The following TUSC2 variants were observed in gnomAD, a reference collection of about 807,000 sequenced individuals.
TUSC2 encodes the protein tumor suppressor 2, mitochondrial calcium regulator, also known as tumor suppressor candidate 2.
Under a neutral mutation model 11.5 loss-of-function variants are expected in TUSC2, and 7 were observed. The ratio of observed to expected loss-of-function variants is 0.61; its 90% CI spans 0.35 to 1.14. The LOEUF is 1.14. Ranked by LOEUF, TUSC2 falls within the 50% of genes most tolerant of loss-of-function variation. TUSC2 has a pLI of 0.03. For synonymous variants in TUSC2, 61 were observed against 64.1 expected, an observed-to-expected ratio of 0.95 and a Z score of 0.23; for missense variants, 132 against 155.0, an observed-to-expected ratio of 0.85 and a Z score of 0.79.
In TUSC2 at chr3:50,327,222, A is replaced by G. The variant is rs1553717494; in HGVS notation, c.146+732T>C. 3 of 456,628 alleles carry G rather than the reference A, an allele frequency of 6.6e-6. No individual in the cohort carries two copies. In the Admixed American group the frequency reaches 7.0e-5, roughly 11 times the overall value. 28.3% of individuals were successfully genotyped at this position (456,628 alleles called of 1,614,324 possible). On this transcript the variant is annotated intron_variant, in intron 1 of 2. Coordinates refer to ENST00000232496, the MANE Select transcript of TUSC2 (RefSeq NM_007275.3). ...TCAAAGACTGAAATAGCAGAAGCCT[A>G]AGCTAGGAAGAAGCACAAAGGAATG... is the stretch of plus-strand genomic sequence containing the variant.
At position 50,325,798 on chromosome 3, in the gene TUSC2, A is replaced by C; in HGVS notation, c.*323T>G. Reference sequence around the variant, plus strand: ...CTAGGCCCCAGGCAAACTTGGAAGAAAGCAGACCAGGCAAGGAACCAGGTA... The same window carrying C: ...CTAGGCCCCAGGCAAACTTGGAAGACAGCAGACCAGGCAAGGAACCAGGTA... On this transcript the variant is annotated 3_prime_UTR_variant, in exon 3 of 3. Transcript: ENST00000232496. This position sits in a 1 kb window ranked among gnomAD's most constrained non-coding sequence, Gnocchi z 5.1. The C allele has an allele frequency of 2.5e-6, 1 of 401,542 alleles. No homozygotes were observed. The highest frequency in any genetic ancestry group is 2.0e-5 in the African/African-American group (1 of 50,076). 24.9% of individuals were successfully genotyped at this position (401,542 alleles called of 1,614,324 possible). A position where few individuals can be genotyped will look rare whatever the true frequency, so the allele number is the denominator to read the frequency against.
rs782023495 is a variant in TUSC2, at chr3:50,328,187, G to C, written c.-88C>G. The C allele has an allele frequency of 7.8e-7, 1 of 1,280,698 alleles. No individual in the cohort carries two copies. Among genetic ancestry groups the C allele is most frequent in the Non-Finnish European group, 9.9e-7 (1 of 1,008,348 alleles). 79.3% of individuals were successfully genotyped at this position (1,280,698 alleles called of 1,614,324 possible). On this transcript the variant is annotated 5_prime_UTR_variant, in exon 1 of 3. Coordinates refer to ENST00000232496, the MANE Select transcript of TUSC2 (RefSeq NM_007275.3). The stretch of plus-strand genomic sequence containing the variant: ...CCATAACCTGCCCCAGCCGCTGATC[G>C]CAGGTGCCGCCGCCGCCGCCTTCCG...
At chr3:50,327,842 G>C in intron 1 of TUSC2, 112 bp downstream of exon 1, 1 of 1,321,628 alleles carries the variant, frequency 7.6e-7, no homozygotes, top group Non-Finnish European at 9.7e-7. Flanking sequence ...TCAAAATATG[G>C]GGGTCGTCCT....
At chr3:50,326,247 T>A in intron 2 of TUSC2, 61 bp from the exon 3 acceptor site, 1 of 1,611,438 alleles carries the variant, frequency 6.2e-7, no homozygotes, top group Non-Finnish European at 8.5e-7. Flanking sequence ...GGAAGCTTCC[T>A]TGTTCCTCCC....
At position 50,326,485 on chromosome 3, in the gene TUSC2, G is replaced by A; in HGVS notation, c.147-8C>T. The A allele has an allele frequency of 6.2e-7, 1 of 1,613,230 alleles. No homozygotes were observed. The highest frequency in any genetic ancestry group is 1.1e-5 in the South Asian group (1 of 91,074). ...TCATCATAGAACATAGAGCTGTGTA[G>A]AGGGAGAAGGAAACAGGCTGGGCTG... On this transcript the variant is annotated splice_polypyrimidine_tract_variant and splice_region_variant and intron_variant, in intron 1 of 2. Transcript: ENST00000232496.
chr3:50,325,833 C>G lies in TUSC2; in HGVS notation c.*288G>C, dbSNP rs1473523800. On this transcript the variant is annotated 3_prime_UTR_variant, in exon 3 of 3. Coordinates refer to ENST00000232496, the MANE Select transcript of TUSC2 (RefSeq NM_007275.3). This position sits in a 1 kb window ranked among gnomAD's most constrained non-coding sequence, Gnocchi z 5.1. ...GGCAAGGAACCAGGTAACGGGCATT[C>G]CTGACTGGTATATGCCCTGCTGTGC... 2 of 480,082 alleles carry G rather than the reference C, an allele frequency of 4.2e-6. No homozygotes were observed. The highest frequency in any genetic ancestry group is 7.6e-6 in the Non-Finnish European group (2 of 264,190). The allele number at this position is 480,082 out of a possible 1,614,324, so 29.7% of individuals were successfully genotyped here.
intron 1 of TUSC2, among the ~76,000 whole-genome samples, chr3:50,327,481 C>T (rs1289429912): frequency 2.0e-5 from 3 of 152,086 alleles, no homozygotes; most frequent in Non-Finnish European, 2.9e-5. Flanking sequence ...GGTCTTTTTT[C>T]CTCAGCCTCA....
At chr3:50,326,916 C>G (rs1436341331) in intron 1 of TUSC2, 2 of 330,408 alleles carry the variant, frequency 6.1e-6, no homozygotes, top group African/African-American at 4.4e-5. Flanking sequence ...CGGTGCCTGG[C>G]CTGCCTGGAG....
chr3:50,327,749 C>G (rs1702807763), intron 1 of TUSC2, among the ~76,000 whole-genome samples: 1 of 152,340 alleles, frequency 6.6e-6, no homozygotes, highest in South Asian at 2.1e-4. Context: ...CTCAGGCCCA[C>G]TCTTCCCTAG....
Position 50,326,491 on chromosome 3 carries a change from G to A in TUSC2, c.147-14C>T. 1 of 1,612,674 alleles carries A rather than the reference G, an allele frequency of 6.2e-7. No homozygotes were observed. ...TAGAACATAGAGCTGTGTAGAGGGA[G>A]AAGGAAACAGGCTGGGCTGGAGCCC... On this transcript the variant is annotated splice_polypyrimidine_tract_variant and intron_variant, in intron 1 of 2. Transcript: ENST00000232496.
At position 50,327,182 on chromosome 3, in the gene TUSC2, G is replaced by A. The variant is rs1346285462; in HGVS notation, c.147-705C>T. ...GCATGTTGGTCTCACTCCAGAAGAT[G>A]CTGCTGGCCCAGTGTCAAAGACTGA... On this transcript the variant is annotated intron_variant, in intron 1 of 2. Coordinates refer to ENST00000232496, the MANE Select transcript of TUSC2 (RefSeq NM_007275.3). The A allele has an allele frequency of 1.1e-5, 5 of 456,674 alleles. No individual in the cohort carries two copies. The Admixed American group carries it at 1.2e-4, about 11-fold the overall frequency. The allele number at this position is 456,674 out of a possible 1,614,324, so 28.3% of individuals were successfully genotyped here.
chr3:50,326,114 C>T lies in TUSC2; in HGVS notation c.*7G>A. The T allele has an allele frequency of 6.3e-7, 1 of 1,580,388 alleles. No homozygotes were observed. On this transcript the variant is annotated 3_prime_UTR_variant, in exon 3 of 3. Coordinates refer to ENST00000232496, the MANE Select transcript of TUSC2 (RefSeq NM_007275.3). ...CAGGGGGTGCTTCTGTCTGCCACCT[C>T]CCAGGGTCACACCTCATAGAGGATC...
Position 50,326,468 on chromosome 3 carries a change from G to A in TUSC2, c.156C>T (p.Phe52=), listed in dbSNP as rs782511578. Residue 52 remains phenylalanine, a synonymous_variant, in exon 2 of 3, where the codon TTC becomes TTT. Coordinates refer to ENST00000232496, the MANE Select transcript of TUSC2 (RefSeq NM_007275.3). The part of the protein sequence containing the change: ...PFVFTRRGSM[F]YDEDGDLAHE... ...GAGCCAGATCCCCATCCTCATCATA[G>A]AACATAGAGCTGTGTAGAGGGAGAA... 6.2e-7 allele frequency: 1 copy of A among 1,613,940 alleles called. No individual in the cohort carries two copies. The highest frequency in any genetic ancestry group is 8.5e-7 in the Non-Finnish European group (1 of 1,180,014).
chr3:50,326,246 C>T lies in TUSC2; in HGVS notation c.268-60G>A, dbSNP rs76660303. ...CAGGGCCTCTACTTCAGGAAGCTTC[C>T]TTGTTCCTCCCAGATCCCCCCGCAA... On this transcript the variant is annotated intron_variant, in intron 2 of 2. Transcript: ENST00000232496. 185 of 1,611,196 alleles carry T rather than the reference C, an allele frequency of 1.1e-4. No homozygotes were observed. The East Asian group carries it at 2.8e-3, about 25-fold the overall frequency.
intron 1 of TUSC2, chr3:50,327,280 G>A: frequency 2.2e-6 from 1 of 455,808 alleles, no homozygotes; most frequent in East Asian, 6.9e-5. Context: ...CACACCCCAG[G>A]TGGCTGGTGA....
intron 1 of TUSC2, among the ~76,000 whole-genome samples, chr3:50,326,764 TGCACCACCACACCCTGCTAA>T (rs1553717444): frequency 6.6e-6 from 1 of 152,156 alleles, no homozygotes; most frequent in Non-Finnish European, 1.5e-5. Flanking sequence ...ACTACAGACA[TGCACCACCACACCCTGCTAA>T]TTTTTTGTAT....
At position 50,326,453 on chromosome 3, in the gene TUSC2, C is replaced by T. The variant is rs1553717414; in HGVS notation, c.171G>A (p.Gly57=). The T allele has an allele frequency of 1.9e-6, 3 of 1,613,882 alleles. No individual in the cohort carries two copies. The highest frequency in any genetic ancestry group is 1.3e-5 in the African/African-American group (1 of 74,872). ...RRGSMFYDED[G]DLAHEFYEET... ...CCTCATAGAACTCGTGAGCCAGATCCCCATCCTCATCATAGAACATAGAGC... is the reference window on the plus strand; with the variant it reads ...CCTCATAGAACTCGTGAGCCAGATCTCCATCCTCATCATAGAACATAGAGC... The change falls in exon 2 of 3, where the codon GGG becomes GGA. Residue 57 remains glycine, a synonymous_variant. Coordinates refer to ENST00000232496, the MANE Select transcript of TUSC2 (RefSeq NM_007275.3).
Position 50,326,348 on chromosome 3 carries a change from G to A in TUSC2, c.267+9C>T, listed in dbSNP as rs375267632. 9.3e-4 allele frequency: 1,502 copies of A among 1,613,620 alleles called. No individual in the cohort carries two copies. The highest frequency in any genetic ancestry group is 1.2e-3 in the Non-Finnish European group (1,384 of 1,179,908). The stretch of plus-strand genomic sequence containing the variant: ...GTGTAGGCTCTGTGACCGCTGCCCA[G>A]CCCCTCACCTGAGGAATCAGATTCT... On this transcript the variant is annotated intron_variant, in intron 2 of 2. Coordinates refer to ENST00000232496, the MANE Select transcript of TUSC2 (RefSeq NM_007275.3).
Position 50,328,150 on chromosome 3 carries a change from C to A in TUSC2, c.-51G>T. The A allele has an allele frequency of 7.4e-7, 1 of 1,342,932 alleles. No homozygotes were observed. Among genetic ancestry groups the A allele is most frequent in the Non-Finnish European group, 9.5e-7 (1 of 1,048,726 alleles). 83.2% of individuals were successfully genotyped at this position (1,342,932 alleles called of 1,614,324 possible). ...CCCCGTGGCCGCTCTGCTCACACCG[C>A]AGTCCGCACTACCATAACCTGCCCC... is the stretch of plus-strand genomic sequence containing the variant. On this transcript the variant is annotated 5_prime_UTR_variant, in exon 1 of 3. Transcript: ENST00000232496.
Sources: gnomAD v4.1 joint callset for allele counts (sites outside exome capture counted in the v4.1 genomes callset) on GRCh38, gnomAD v4.1.1 for gene constraint, Gnocchi (gnomAD v3.1) non-coding constraint, MANE v1.5 for transcripts, NCBI Gene and HGNC (gene_info 2026-07-23, HGNC 2026-07-21) for gene names.